The following BASP1 variants were observed in gnomAD, a reference collection of about 807,000 sequenced individuals.
BASP1 encodes brain abundant membrane attached signal protein 1.
A neutral mutation model predicts 2.2 loss-of-function variants in BASP1; 1 was observed. The observed-to-expected ratio is 0.46, with a 90% CI of 0.16 to 2.17. BASP1 has a LOEUF of 2.17. Ranked by LOEUF, BASP1 falls within the 30% of genes most tolerant of loss-of-function variation. The pLI, the probability that BASP1 is intolerant of heterozygous loss-of-function variation, is 0.27. For missense variants in BASP1, 352 were observed against 327.2 expected (o/e 1.08, Z -0.58); for synonymous variants, 187 against 154.2 (o/e 1.21, Z -1.58).
intron 1 of BASP1, among the ~76,000 whole-genome samples, chr5:17,232,734 G>C (rs1214025623): frequency 6.6e-6 from 1 of 151,174 alleles, no homozygotes; most frequent in Non-Finnish European, 1.5e-5. Context: ...TTTTTTTTTG[G>C]AGGAGGAGGT....
chr5:17,240,752 C>T (rs1356488957), intron 1 of BASP1: 1 of 152,084 alleles, frequency 6.6e-6, no homozygotes, highest in Non-Finnish European at 1.5e-5. Context: ...GCCCTAGTCC[C>T]CTTTTGTCTT....
At chr5:17,222,137 C>A (rs1739404330) in intron 1 of BASP1, among the ~76,000 whole-genome samples, 1 of 151,892 alleles carries the variant, frequency 6.6e-6, no homozygotes, top group African/African-American at 2.4e-5. Flanking sequence ...CCGGGGGACC[C>A]CAGGAGTATT....
At chr5:17,245,471 C>T (rs1311615101) in intron 1 of BASP1, among the ~76,000 whole-genome samples, 1 of 152,052 alleles carries the variant, frequency 6.6e-6, no homozygotes, top group African/African-American at 2.4e-5. Context: ...AATGCTAAAT[C>T]TAAATGCCAA....
chr5:17,232,038 T>C (rs146446089), intron 1 of BASP1, among the ~76,000 whole-genome samples: 1 of 152,342 alleles, frequency 6.6e-6, no homozygotes, highest in African/African-American at 2.4e-5. Flanking sequence ...CAGTAATTAT[T>C]CTGTTTCCAG....
chr5:17,264,246 C>CT (rs1383813292), intron 1 of BASP1, among the ~76,000 whole-genome samples: 1 of 151,972 alleles, frequency 6.6e-6, no homozygotes, highest in Non-Finnish European at 1.5e-5. Context: ...ATGTGTTGTG[C>CT]TTTTTTATTG....
chr5:17,256,907 A>G (rs1402537251), intron 1 of BASP1, among the ~76,000 whole-genome samples: 4 of 152,238 alleles, frequency 2.6e-5, no homozygotes, highest in Non-Finnish European at 5.9e-5. Context: ...TTCTAGGGAA[A>G]AGGTTTCCTG....
rs541579871 is a variant in BASP1 at position 17,276,014 on chromosome 5, C to CCT, written c.*126_*127dup. 5.1e-5 allele frequency: 45 copies of CCT among 887,094 alleles called. No individual in the cohort carries two copies. Among genetic ancestry groups the CCT allele is most frequent in the South Asian group, 1.2e-4 (5 of 40,300 alleles). 55.0% of individuals were successfully genotyped at this position (887,094 alleles called of 1,614,324 possible). ...TCTCTCTCTCTCCTCTCCTATCTCTCCTCTCTCTCTCTCCTATACTAACTT... is the reference window on the plus strand; with the variant it reads ...TCTCTCTCTCTCCTCTCCTATCTCTCCTCTCTCTCTCTCTCCTATACTAACTT... On this transcript the variant is annotated 3_prime_UTR_variant, in exon 2 of 2. Coordinates refer to ENST00000322611, the MANE Select transcript of BASP1 (RefSeq NM_006317.5).
chr5:17,256,325 G>A (rs565688063), intron 1 of BASP1, among the ~76,000 whole-genome samples: 8 of 152,152 alleles, frequency 5.3e-5, no homozygotes, highest in Non-Finnish European at 7.3e-5. Flanking sequence ...GGCTAGCATC[G>A]GCTCTGCTAC....
At chr5:17,234,003 C>T (rs370516559) in intron 1 of BASP1, among the ~76,000 whole-genome samples, 4 of 152,202 alleles carry the variant, frequency 2.6e-5, no homozygotes, top group South Asian at 2.1e-4. Flanking sequence ...TGGTGGCACA[C>T]GCCTGTTGTC....
intron 1 of BASP1, among the ~76,000 whole-genome samples, chr5:17,259,476 A>G (rs185936157): frequency 6.6e-6 from 1 of 152,326 alleles, no homozygotes; most frequent in East Asian, 1.9e-4. Flanking sequence ...GTTAGTGCTG[A>G]ACATGACAAA....
intron 1 of BASP1, among the ~76,000 whole-genome samples, chr5:17,265,311 G>A (rs1046242989): frequency 6.6e-6 from 1 of 152,148 alleles, no homozygotes; most frequent in African/African-American, 2.4e-5. Context: ...CATATCATGC[G>A]AAGACTTGAA....
chr5:17,230,389 G>A (rs952080017), intron 1 of BASP1, among the ~76,000 whole-genome samples: 4 of 151,842 alleles, frequency 2.6e-5, no homozygotes, highest in Non-Finnish European at 5.9e-5. Flanking sequence ...AGTGTGTGTC[G>A]GGAATCATGG....
chr5:17,267,612 G>A (rs371884206), intron 1 of BASP1, among the ~76,000 whole-genome samples: 22 of 151,254 alleles, frequency 1.5e-4, no homozygotes, highest in African/African-American at 4.1e-4. Flanking sequence ...TCCGCCTCCC[G>A]GGTTCAAGCG....
At chr5:17,246,663 C>T (rs894639441) in intron 1 of BASP1, among the ~76,000 whole-genome samples, 2 of 152,190 alleles carry the variant, frequency 1.3e-5, no homozygotes, top group African/African-American at 4.8e-5. Flanking sequence ...AATGTCAACT[C>T]ACATCTCTGT....
At position 17,275,722 on chromosome 5, in the gene BASP1, C is replaced by G. The variant is rs752318813; in HGVS notation, c.506C>G (p.Ala169Gly). ...GAGACCAAAAGTGACGGGGCCCCAG[C>G]TTCAGACTCAAAACCCGGCAGCTCG... ...AQETKSDGAP[A>G]SDSKPGSSEA... Residue 169 changes from alanine (A) to glycine (G), a missense_variant, in exon 2 of 2, where the codon GCT (alanine) becomes GGT (glycine). Ala to Gly is a moderately conservative substitution (Grantham distance 60). Coordinates refer to ENST00000322611, the MANE Select transcript of BASP1 (RefSeq NM_006317.5). This position sits in a 1 kb window ranked among gnomAD's most constrained non-coding sequence, Gnocchi z 5.3. The G allele has an allele frequency of 3.7e-6, 6 of 1,610,252 alleles. No homozygotes were observed. The African/African-American group carries it at 8.0e-5, about 22-fold the overall frequency.
At chr5:17,218,638 C>T (rs1739320428) in intron 1 of BASP1, among the ~76,000 whole-genome samples, 1 of 152,070 alleles carries the variant, frequency 6.6e-6, no homozygotes. Flanking sequence ...TGACAGCGCG[C>T]GGCCCTAACT....
chr5:17,275,981 C>A lies in BASP1; in HGVS notation c.*81C>A. The A allele has an allele frequency of 8.0e-7, 1 of 1,248,046 alleles. No individual in the cohort carries two copies. Among genetic ancestry groups the A allele is most frequent in the Non-Finnish European group, 1.1e-6 (1 of 931,020 alleles). 77.3% of individuals were successfully genotyped at this position (1,248,046 alleles called of 1,614,324 possible). On this transcript the variant is annotated 3_prime_UTR_variant, in exon 2 of 2. Transcript: ENST00000322611. The surrounding 1 kb of genome is among the most constrained non-coding windows in gnomAD (Gnocchi z 5.3). Reference sequence around the variant, plus strand: ...TCTCTCTCTCTCTCTATCTCTCTCTCTATCTCCTCTCTCTCTCTCCTCTCC... The same window carrying A: ...TCTCTCTCTCTCTCTATCTCTCTCTATATCTCCTCTCTCTCTCTCCTCTCC...
rs781769650 is a variant in BASP1 at position 17,275,828 on chromosome 5, C to T, written c.612C>T (p.Ala204=). ...SSTPKAQGPA[A]SAEEPKPVEA... ...CACCCAAGGCCCAGGGCCCCGCAGC[C>T]TCTGCAGAAGAGCCCAAGCCGGTGG... Residue 204 remains alanine (A), a synonymous_variant, in exon 2 of 2, where the codon GCC becomes GCT. Transcript: ENST00000322611. This position sits in a 1 kb window ranked among gnomAD's most constrained non-coding sequence, Gnocchi z 5.3. 3.0e-5 allele frequency: 48 copies of T among 1,611,828 alleles called. 1 individual carries two copies. In the South Asian group the frequency reaches 3.4e-4, roughly 11 times the overall value.
Position 17,246,323 on chromosome 5 carries a change from TA to T in BASP1, c.-10+28528del, listed in dbSNP as rs772842709. ...GGTGAAACCCTGTCTCTACTAAAGATAAAAAAAAAAAAAAATTACCTGGGAG... is the reference window on the plus strand; with the variant it reads ...GGTGAAACCCTGTCTCTACTAAAGATAAAAAAAAAAAAAATTACCTGGGAG... On this transcript the variant is annotated intron_variant, in intron 1 of 1. Coordinates refer to ENST00000322611, the MANE Select transcript of BASP1 (RefSeq NM_006317.5). Among the ~76,000 whole-genome samples, 1,135 of 134,416 alleles carry T rather than the reference TA, an allele frequency of 8.4e-3. 6 individuals are homozygous for T. The highest frequency in any genetic ancestry group is 0.017 in the African/African-American group (614 of 36,558). 88.2% of individuals were successfully genotyped at this position (134,416 alleles called of 152,430 possible). A position where few individuals can be genotyped will look rare whatever the true frequency, so the allele number is the denominator to read the frequency against.
Sources: gnomAD v4.1 joint callset for allele counts (sites outside exome capture counted in the v4.1 genomes callset) on GRCh38, gnomAD v4.1.1 for gene constraint, Gnocchi (gnomAD v3.1) non-coding constraint, MANE v1.5 for transcripts, NCBI Gene and HGNC (gene_info 2026-07-23, HGNC 2026-07-21) for gene names.